SLC16A12: variants seen among roughly 807,000 people sequenced by gnomAD.
The protein encoded by SLC16A12 is solute carrier family 16 member 12.
SLC16A12 carries 17 observed loss-of-function variants against 42.4 expected under a neutral mutation model. The ratio of observed to expected loss-of-function variants is 0.40; its 90% CI spans 0.27 to 0.60. The LOEUF is 0.60. SLC16A12 is among the 20% of genes least tolerant of loss of function. The pLI is 0.42. For synonymous variants in SLC16A12, 224 were observed against 229.4 expected (o/e 0.98, Z 0.21); for missense variants, 544 against 623.0 (o/e 0.87, Z 1.35).
At chr10:89,485,081 G>A (rs529258469) in intron 2 of SLC16A12, among the ~76,000 whole-genome samples, 4 of 152,180 alleles carry the variant, frequency 2.6e-5, no homozygotes, top group East Asian at 3.9e-4. Context: ...TAGAGCAGCC[G>A]AGAACCAGGG....
intron 3 of SLC16A12, among the ~76,000 whole-genome samples, chr10:89,447,342 A>G (rs1842021450): frequency 2.0e-5 from 3 of 152,214 alleles, no homozygotes; most frequent in African/African-American, 7.2e-5. Context: ...TCCAAAATTC[A>G]CCACATAGTT....
At chr10:89,544,825 T>C (rs1843734026) in intron 2 of SLC16A12, among the ~76,000 whole-genome samples, 1 of 152,128 alleles carries the variant, frequency 6.6e-6, no homozygotes, top group African/African-American at 2.4e-5. Flanking sequence ...CTGGGGTAGA[T>C]TGATTGTAAA....
At chr10:89,520,374 T>C (rs1843332348) in intron 2 of SLC16A12, among the ~76,000 whole-genome samples, 1 of 152,150 alleles carries the variant, frequency 6.6e-6, no homozygotes, top group Non-Finnish European at 1.5e-5. Flanking sequence ...CCCTACCTTC[T>C]AACTTCAAAC....
intron 2 of SLC16A12, among the ~76,000 whole-genome samples, chr10:89,503,990 C>T (rs1247170599): frequency 6.6e-6 from 1 of 152,190 alleles, no homozygotes; most frequent in Non-Finnish European, 1.5e-5. Flanking sequence ...AAATAAACAG[C>T]AATGTCTTGT....
At chr10:89,509,899 G>C in intron 2 of SLC16A12, among the ~76,000 whole-genome samples, 1 of 152,114 alleles carries the variant, frequency 6.6e-6, no homozygotes, top group East Asian at 1.9e-4. Context: ...AAAGTCTCAG[G>C]ATACAAAATC....
chr10:89,467,575 C>T (rs959463326), intron 2 of SLC16A12, among the ~76,000 whole-genome samples: 4 of 151,982 alleles, frequency 2.6e-5, no homozygotes, highest in East Asian at 1.9e-4. Context: ...AAAACTATTA[C>T]GATGCAATAT....
chr10:89,474,396 A>G (rs1842544947), intron 2 of SLC16A12, among the ~76,000 whole-genome samples: 1 of 152,198 alleles, frequency 6.6e-6, no homozygotes, highest in South Asian at 2.1e-4. Flanking sequence ...CTCTACGCCT[A>G]ATAAATGAAT....
chr10:89,495,203 A>G (rs1272086660), intron 2 of SLC16A12, among the ~76,000 whole-genome samples: 2 of 152,008 alleles, frequency 1.3e-5, no homozygotes, highest in African/African-American at 2.4e-5. Flanking sequence ...AAAATACAAA[A>G]ATTACCTGGT....
intron 2 of SLC16A12, among the ~76,000 whole-genome samples, chr10:89,524,662 CT>C (rs1843419939): frequency 6.6e-6 from 1 of 152,190 alleles, no homozygotes; most frequent in South Asian, 2.1e-4. Flanking sequence ...TGTACACACA[CT>C]TGTGTGTACA....
At chr10:89,533,828 T>A (rs1400433913) in intron 2 of SLC16A12, among the ~76,000 whole-genome samples, 1 of 145,926 alleles carries the variant, frequency 6.9e-6, no homozygotes, top group Non-Finnish European at 1.5e-5. Flanking sequence ...CAGAATCCCA[T>A]CAGTTAAAAA....
chr10:89,514,772 A>G (rs941079609), intron 2 of SLC16A12, among the ~76,000 whole-genome samples: 1 of 152,144 alleles, frequency 6.6e-6, no homozygotes, highest in African/African-American at 2.4e-5. Context: ...AATAGTGCCC[A>G]CTGTACTTTG....
chr10:89,532,928 TC>T, intron 2 of SLC16A12, among the ~76,000 whole-genome samples: 1 of 152,194 alleles, frequency 6.6e-6, no homozygotes, highest in East Asian at 1.9e-4. Context: ...TTAATTAGTC[TC>T]CAATACTAAC....
At chr10:89,456,026 A>G (rs1248291761) in intron 3 of SLC16A12, 1 of 152,206 alleles carries the variant, frequency 6.6e-6, no homozygotes, top group Non-Finnish European at 1.5e-5. Flanking sequence ...TGCTGTCTCA[A>G]TCTTGCCACT....
intron 3 of SLC16A12, among the ~76,000 whole-genome samples, chr10:89,459,741 A>G (rs1842264455): frequency 6.6e-6 from 1 of 152,126 alleles, no homozygotes. Flanking sequence ...GGAGTTTGAG[A>G]CCATCCTGGC....
chr10:89,530,438 G>A lies in SLC16A12; in HGVS notation c.-47+4063C>T, dbSNP rs182902637. The stretch of plus-strand genomic sequence containing the variant: ...GTTTTTTTTTTTCTTTTTTTTCTGA[G>A]ACGGAGTCTCGCTCTGTTGCCCAGG... On this transcript the variant is annotated intron_variant, in intron 2 of 7. Transcript: ENST00000371790. Among the ~76,000 whole-genome samples, 455 of 149,036 alleles carry A rather than the reference G, an allele frequency of 3.1e-3. 2 individuals carry two copies. Among genetic ancestry groups the A allele is most frequent in the African/African-American group, 0.011 (437 of 40,466 alleles).
chr10:89,497,586 C>T (rs1170354862), intron 2 of SLC16A12, among the ~76,000 whole-genome samples: 1 of 152,140 alleles, frequency 6.6e-6, no homozygotes, highest in African/African-American at 2.4e-5. Flanking sequence ...CTCTGGAACT[C>T]AAATCTCCCT....
intron 2 of SLC16A12, among the ~76,000 whole-genome samples, chr10:89,475,647 G>A (rs1409617296): frequency 6.6e-6 from 1 of 152,016 alleles, no homozygotes; most frequent in African/African-American, 2.4e-5. Context: ...AATAATTACT[G>A]ACTTCAACCA....
At chr10:89,453,319 A>G (rs77881305) in intron 3 of SLC16A12, among the ~76,000 whole-genome samples, 5 of 152,332 alleles carry the variant, frequency 3.3e-5, no homozygotes, top group African/African-American at 1.2e-4. Context: ...CTAGTCTAAT[A>G]CTAAAAAGTT....
chr10:89,430,992 G>T lies in SLC16A12; in HGVS notation c.*2072C>A. 3.7e-6 allele frequency: 1 copy of T among 271,150 alleles called. No individual in the cohort carries two copies. Among genetic ancestry groups the T allele is most frequent in the Non-Finnish European group, 6.8e-6 (1 of 148,134 alleles). The allele number at this position is 271,150 out of a possible 1,614,324, so 16.8% of individuals were successfully genotyped here. A position where few individuals can be genotyped will look rare whatever the true frequency, so the allele number is the denominator to read the frequency against. On this transcript the variant is annotated 3_prime_UTR_variant, in exon 8 of 8. Transcript: ENST00000371790. ...TTCATCTTAACTTTGACATTTTACAGATACCTTCCAATTTTTTTTTTTTGA... is the reference window on the plus strand; with the variant it reads ...TTCATCTTAACTTTGACATTTTACATATACCTTCCAATTTTTTTTTTTTGA...
Sources: gnomAD v4.1 joint callset for allele counts (sites outside exome capture counted in the v4.1 genomes callset) on GRCh38, gnomAD v4.1.1 for gene constraint, MANE v1.5 for transcripts, NCBI Gene and HGNC (gene_info 2026-07-23, HGNC 2026-07-21) for gene names.